Variants in KCNIP4 observed in about 807,000 individuals in gnomAD.
KCNIP4 encodes the protein potassium voltage-gated channel interacting protein 4.
A neutral mutation model predicts 34.0 loss-of-function variants in KCNIP4; 12 were observed. The ratio of observed to expected loss-of-function variants is 0.35; its 90% CI spans 0.23 to 0.57. The LOEUF (loss-of-function observed/expected upper bound fraction) is 0.57, where lower values mean the gene tolerates loss of function less well. Ranked by LOEUF, KCNIP4 falls within the 20% of genes least tolerant of loss-of-function variation. KCNIP4 has a pLI of 0.83. For missense variants in KCNIP4, 238 were observed against 311.7 expected (o/e 0.76, Z 1.78); for synonymous variants, 124 against 102.2 (o/e 1.21, Z -1.29).
intron 1 of KCNIP4, among the ~76,000 whole-genome samples, chr4:21,877,574 A>G (rs1389370369): frequency 6.6e-6 from 1 of 152,096 alleles, no homozygotes; most frequent in Non-Finnish European, 1.5e-5. Context: ...TCCCTCTTCA[A>G]TGGCCACACT....
chr4:21,347,145 G>A (rs1204509013), intron 1 of KCNIP4, among the ~76,000 whole-genome samples: 1 of 152,190 alleles, frequency 6.6e-6, no homozygotes, highest in Non-Finnish European at 1.5e-5. Flanking sequence ...TCAAATGGAA[G>A]AGATTTAATA....
chr4:21,450,160 A>G (rs184708499), intron 1 of KCNIP4, among the ~76,000 whole-genome samples: 110 of 152,272 alleles, frequency 7.2e-4, no homozygotes, highest in African/African-American at 2.4e-3. Context: ...TCTAGATGAG[A>G]AAGTCTTCAG....
chr4:21,589,156 GTATATATATATATATATATATATA>G (rs375787939), intron 1 of KCNIP4, among the ~76,000 whole-genome samples: 5 of 71,214 alleles, frequency 7.0e-5, no homozygotes, highest in Non-Finnish European at 1.1e-4. Flanking sequence ...ATGGAGGTGT[GTATATATATATATATATATATATA>G]TATATATATA....
chr4:21,909,443 C>G (rs1728177358), intron 1 of KCNIP4, among the ~76,000 whole-genome samples: 1 of 152,084 alleles, frequency 6.6e-6, no homozygotes, highest in Admixed American at 6.6e-5. Context: ...TCTGAAAAGC[C>G]TATTTAAGCC....
At chr4:21,290,356 A>G (rs1306303522) in intron 1 of KCNIP4, among the ~76,000 whole-genome samples, 1 of 152,122 alleles carries the variant, frequency 6.6e-6, no homozygotes, top group Non-Finnish European at 1.5e-5. Context: ...GGAAAAAAAA[A>G]TAATGTATGT....
chr4:21,640,087 T>G (rs1746501931), intron 1 of KCNIP4, among the ~76,000 whole-genome samples: 1 of 152,206 alleles, frequency 6.6e-6, no homozygotes, highest in South Asian at 2.1e-4. Flanking sequence ...ACAGATCAAG[T>G]AAGAATTAGT....
rs1719613520 is a variant in KCNIP4 at position 21,365,119 on chromosome 4, C to A, written c.62-482410G>T. Among the ~76,000 whole-genome samples, 3 of 152,200 alleles carry A rather than the reference C, an allele frequency of 2.0e-5. No homozygotes were observed. The South Asian group carries it at 6.2e-4, about 32-fold the overall frequency. On this transcript the variant is annotated intron_variant, in intron 1 of 8. Transcript: ENST00000382152. Reference sequence around the variant, plus strand: ...ATATTAAAGTATTTGGGGATAAAGACTAACATGATTATCTCTAAAATCCAA... The same window carrying A: ...ATATTAAAGTATTTGGGGATAAAGAATAACATGATTATCTCTAAAATCCAA...
intron 1 of KCNIP4, among the ~76,000 whole-genome samples, chr4:21,594,013 C>A (rs969596023): frequency 6.6e-6 from 1 of 151,972 alleles, no homozygotes; most frequent in Non-Finnish European, 1.5e-5. Flanking sequence ...TACCTTGGGG[C>A]CTGCATGTAT....
intron 1 of KCNIP4, among the ~76,000 whole-genome samples, chr4:21,767,602 CAA>C (rs1308082702): frequency 6.6e-6 from 1 of 151,754 alleles, no homozygotes; most frequent in African/African-American, 2.4e-5. Flanking sequence ...ATTTTTATTT[CAA>C]AATACAGTTA....
At chr4:21,457,839 A>T (rs1729095519) in intron 1 of KCNIP4, among the ~76,000 whole-genome samples, 1 of 152,050 alleles carries the variant, frequency 6.6e-6, no homozygotes, top group Admixed American at 6.6e-5. Flanking sequence ...CTCTAACATG[A>T]CATTCTCTGA....
At chr4:21,606,828 G>A (rs568052746) in intron 1 of KCNIP4, among the ~76,000 whole-genome samples, 2 of 152,130 alleles carry the variant, frequency 1.3e-5, no homozygotes, top group East Asian at 3.9e-4. Context: ...CCTGACGTTA[G>A]TTTTTACTCT....
At chr4:21,655,612 T>A (rs1051561672) in intron 1 of KCNIP4, among the ~76,000 whole-genome samples, 2 of 152,176 alleles carry the variant, frequency 1.3e-5, no homozygotes, top group African/African-American at 2.4e-5. Flanking sequence ...TGACATCACA[T>A]AAAGGTAGAA....
At chr4:21,259,871 CAA>C in intron 1 of KCNIP4, among the ~76,000 whole-genome samples, 1 of 132,496 alleles carries the variant, frequency 7.5e-6, no homozygotes, top group East Asian at 2.3e-4. Flanking sequence ...GAAAGTTTGG[CAA>C]AGCGCCCAAG....
At chr4:21,242,868 ATGTGTGTGTATC>A (rs1304794863) in intron 1 of KCNIP4, among the ~76,000 whole-genome samples, 4 of 142,106 alleles carry the variant, frequency 2.8e-5, no homozygotes, top group Non-Finnish European at 6.2e-5. Flanking sequence ...TTTCTCACAC[ATGTGTGTGTATC>A]TGTGTGTGTG....
intron 1 of KCNIP4, among the ~76,000 whole-genome samples, chr4:21,038,563 A>ACC (rs1301538853): frequency 6.6e-6 from 1 of 152,134 alleles, no homozygotes; most frequent in African/African-American, 2.4e-5. Context: ...GAGGGCTTCG[A>ACC]ATCCCTTCAC....
intron 1 of KCNIP4, among the ~76,000 whole-genome samples, chr4:20,998,154 T>C (rs1246895939): frequency 6.6e-6 from 1 of 152,168 alleles, no homozygotes; most frequent in Non-Finnish European, 1.5e-5. Flanking sequence ...ATAATCAACC[T>C]TCCAGAAGAA....
chr4:21,552,650 G>C (rs531357417), intron 1 of KCNIP4, among the ~76,000 whole-genome samples: 1 of 152,254 alleles, frequency 6.6e-6, no homozygotes, highest in South Asian at 2.1e-4. Context: ...GCGGGATAGA[G>C]GTTGAGGAGG....
At chr4:21,296,925 C>T (rs1322204899) in intron 1 of KCNIP4, among the ~76,000 whole-genome samples, 1 of 151,512 alleles carries the variant, frequency 6.6e-6, no homozygotes, top group South Asian at 2.1e-4. Context: ...ATTTAATAAT[C>T]GGCATGTTGA....
chr4:21,087,145 AAT>A (rs1491243593), intron 1 of KCNIP4, among the ~76,000 whole-genome samples: 3,179 of 70,258 alleles, frequency 0.045, 54 homozygotes, highest in South Asian at 0.086. Flanking sequence ...ACTGCTGGGT[AAT>A]GTGTGTGTGT....
Sources: allele counts gnomAD v4.1 joint callset (sites outside exome capture counted in the v4.1 genomes callset), GRCh38; gene constraint gnomAD v4.1.1; transcripts MANE v1.5; gene names NCBI Gene and HGNC (gene_info 2026-07-23, HGNC 2026-07-21).